Variants in PIK3R4 observed in about 807,000 individuals in gnomAD.
PIK3R4 encodes phosphoinositide 3-kinase regulatory subunit 4.
A neutral mutation model predicts 136.5 loss-of-function variants in PIK3R4; 46 were observed. The observed-to-expected ratio is 0.34, with a 90% CI of 0.27 to 0.43. The LOEUF is 0.43. Among genes scored for constraint, PIK3R4 ranks in the 20% least tolerant of loss-of-function variants. The pLI is 1.00. For missense variants in PIK3R4, 1,331 were observed against 1,649.5 expected (o/e 0.81, Z 3.35); for synonymous variants, 557 against 566.7 (o/e 0.98, Z 0.24).
chr3:130,741,295 G>A (rs1471639092), intron 2 of PIK3R4, among the ~76,000 whole-genome samples: 1 of 152,184 alleles, frequency 6.6e-6, no homozygotes, highest in Non-Finnish European at 1.5e-5. Flanking sequence ...ACAGCCAGAA[G>A]ATGGCTATCT....
chr3:130,712,448 C>G (rs1426362141), intron 9 of PIK3R4, among the ~76,000 whole-genome samples: 1 of 152,084 alleles, frequency 6.6e-6, no homozygotes. Flanking sequence ...GCGGGCGGAT[C>G]ACCTGAGGTT....
chr3:130,742,792 G>A (rs2066831487), intron 2 of PIK3R4, among the ~76,000 whole-genome samples: 1 of 152,064 alleles, frequency 6.6e-6, no homozygotes, highest in African/African-American at 2.4e-5. Context: ...TACCAAAAAT[G>A]GCACCGATGC....
chr3:130,692,171 G>A (rs1438078185), intron 13 of PIK3R4, among the ~76,000 whole-genome samples: 2 of 151,900 alleles, frequency 1.3e-5, no homozygotes, highest in Admixed American at 1.3e-4. Flanking sequence ...CACCACACCT[G>A]GCCTAGTTGT....
intron 15 of PIK3R4, among the ~76,000 whole-genome samples, chr3:130,684,950 A>G (rs753581740): frequency 5.3e-5 from 8 of 152,210 alleles, no homozygotes; most frequent in Non-Finnish European, 1.2e-4. Context: ...ACTACATAAA[A>G]AGTAATAAAG....
intron 12 of PIK3R4, among the ~76,000 whole-genome samples, chr3:130,704,132 T>C (rs1433882370): frequency 1.3e-5 from 2 of 152,092 alleles, no homozygotes; most frequent in Non-Finnish European, 2.9e-5. Flanking sequence ...CTGGGGCCCT[T>C]CTCCAGGATC....
At position 130,691,867 on chromosome 3, in the gene PIK3R4, GT is replaced by G. The variant is rs757678674; in HGVS notation, c.3099-1214del. On this transcript the variant is annotated intron_variant, in intron 13 of 19. Transcript: ENST00000356763. Reference sequence around the variant, plus strand: ...TATATTTTATCAGTATCTCTCTCTAGTTTTTTTTTTTTTTTTTTTTTTTCTG... The same window carrying G: ...TATATTTTATCAGTATCTCTCTCTAGTTTTTTTTTTTTTTTTTTTTTTCTG... 9.8e-3 allele frequency among the ~76,000 whole-genome samples: 991 copies of G among 100,802 alleles called. 2 individuals carry two copies. The highest frequency in any genetic ancestry group is 0.035 in the African/African-American group (857 of 24,414). 66.1% of individuals were successfully genotyped at this position (100,802 alleles called of 152,430 possible). A position where few individuals can be genotyped will look rare whatever the true frequency, so the allele number is the denominator to read the frequency against.
At chr3:130,694,387 T>G (rs1379915145) in intron 13 of PIK3R4, among the ~76,000 whole-genome samples, 1 of 152,114 alleles carries the variant, frequency 6.6e-6, no homozygotes, top group Admixed American at 6.5e-5. Flanking sequence ...CTTAATGATA[T>G]TAAGTATTCC....
intron 14 of PIK3R4, among the ~76,000 whole-genome samples, chr3:130,689,343 A>G (rs550046628): frequency 1.7e-3 from 254 of 151,942 alleles, no homozygotes; most frequent in African/African-American, 5.7e-3. Context: ...ACAGTGCACT[A>G]TGCCAAGTTA....
intron 5 of PIK3R4, 44 bp downstream of exon 5, chr3:130,730,264 T>G: frequency 1.3e-6 from 2 of 1,499,218 alleles, no homozygotes; most frequent in Non-Finnish European, 9.1e-7. Flanking sequence ...GCATCAGCAA[T>G]TCATTCTAAA....
At chr3:130,691,000 C>T (rs2066515205) in intron 13 of PIK3R4, among the ~76,000 whole-genome samples, 1 of 150,962 alleles carries the variant, frequency 6.6e-6, no homozygotes, top group Non-Finnish European at 1.5e-5. Flanking sequence ...ACCTCCTGGG[C>T]TCAAGTGATC....
At chr3:130,689,943 C>T (rs2066507532) in intron 14 of PIK3R4, among the ~76,000 whole-genome samples, 1 of 152,172 alleles carries the variant, frequency 6.6e-6, no homozygotes, top group Admixed American at 6.5e-5. Flanking sequence ...TGCAAGCAAC[C>T]ACAATTTATA....
In PIK3R4 at chr3:130,743,386, C is replaced by T. The variant is rs111610088; in HGVS notation, c.733+1100G>A. Among the ~76,000 whole-genome samples the T allele has an allele frequency of 7.8e-3, 1,181 of 152,072 alleles. 15 individuals carry two copies. The highest frequency in any genetic ancestry group is 0.027 in the African/African-American group (1,113 of 41,460). On this transcript the variant is annotated intron_variant, in intron 2 of 19. Transcript: ENST00000356763. ...TACAATTGCACCACTGGGCACCAAC[C>T]TAGGCAACAATGTGAGATCCTACCT...
rs1435158272 is a variant in PIK3R4, at chr3:130,708,491, C to G, written c.2333G>C (p.Gly778Ala). The change falls in exon 10 of 20, where the codon GGA becomes GCA. Residue 778 changes from glycine to alanine, a missense_variant and splice_region_variant. Around this residue, in one of 2 missense-constraint regions of PIK3R4, gnomAD observed 1,180 missense variants for 1,407.0 expected, o/e 0.84. Coordinates refer to ENST00000356763, the MANE Select transcript of PIK3R4 (RefSeq NM_014602.3). ...TTTGTCTTCCTCTTCCTCTGTCATT[C>G]CCTAAAACCAAATAAAACCATATGT... ...AQLLKKLLSQ[G>A]MTEEEEDKLL... The G allele has an allele frequency of 6.2e-7, 1 of 1,608,718 alleles. No homozygotes were observed. Among genetic ancestry groups the G allele is most frequent in the Non-Finnish European group, 8.5e-7 (1 of 1,176,036 alleles).
chr3:130,731,378 A>AT, intron 4 of PIK3R4, among the ~76,000 whole-genome samples: 1 of 139,860 alleles, frequency 7.2e-6, no homozygotes, highest in African/African-American at 3.0e-5. Context: ...TGAGTCAATC[A>AT]AACACAATTA....
intron 14 of PIK3R4, among the ~76,000 whole-genome samples, chr3:130,687,181 C>T (rs991706152): frequency 6.6e-6 from 1 of 151,722 alleles, no homozygotes; most frequent in Non-Finnish European, 1.5e-5. Context: ...ACCTTATACA[C>T]CTAGCCTGAT....
chr3:130,714,605 AC>A (rs572438322), intron 9 of PIK3R4, among the ~76,000 whole-genome samples: 50 of 131,790 alleles, frequency 3.8e-4, no homozygotes, highest in Admixed American at 8.8e-4. Context: ...CCCTCCCCTC[AC>A]CCCCCACCCC....
intron 15 of PIK3R4, 48 bp from the exon 16 acceptor site, chr3:130,684,429 A>T: frequency 6.6e-7 from 1 of 1,516,134 alleles, no homozygotes; most frequent in Non-Finnish European, 9.1e-7. Context: ...ATCAAAGTGC[A>T]TCAAGCTGCA....
At chr3:130,719,590 T>C (rs554298458) in intron 7 of PIK3R4, among the ~76,000 whole-genome samples, 27 of 152,258 alleles carry the variant, frequency 1.8e-4, no homozygotes, top group Non-Finnish European at 3.8e-4. Flanking sequence ...ACTGGGTATT[T>C]TCCCTGTGAT....
chr3:130,726,944 T>C (rs1006162944), intron 6 of PIK3R4, among the ~76,000 whole-genome samples: 6 of 151,998 alleles, frequency 3.9e-5, no homozygotes, highest in African/African-American at 1.5e-4. Context: ...CTGAGTTAGA[T>C]GAAGTCCTAG....
Sources: gnomAD v4.1 joint callset for allele counts (sites outside exome capture counted in the v4.1 genomes callset) on GRCh38, gnomAD v4.1.1 for gene constraint, gnomAD v4.1.1 regional missense constraint, MANE v1.5 for transcripts, NCBI Gene and HGNC (gene_info 2026-07-23, HGNC 2026-07-21) for gene names.